Variants in OPCML observed in about 807,000 individuals in gnomAD.
The protein encoded by OPCML is opioid binding protein/cell adhesion molecule like, also known as opioid-binding protein/cell adhesion molecule.
In OPCML, 13 loss-of-function variants were observed where a neutral mutation model predicts 37.8. The ratio of observed to expected loss-of-function variants is 0.34; its 90% CI spans 0.22 to 0.55. OPCML has a LOEUF of 0.55. Among genes scored for constraint, OPCML ranks in the 20% least tolerant of loss-of-function variants. OPCML has a pLI of 0.91. For synonymous variants in OPCML, 176 were observed against 168.8 expected (o/e 1.04, Z -0.33); for missense variants, 341 against 435.6 (o/e 0.78, Z 1.93).
chr11:132,494,488 A>G lies in OPCML; in HGVS notation c.505+34573T>C, dbSNP rs190658452. Among the ~76,000 whole-genome samples the G allele has an allele frequency of 9.3e-3, 1,410 of 152,128 alleles. 10 individuals carry two copies. The highest frequency in any genetic ancestry group is 0.016 in the Non-Finnish European group (1,076 of 67,986). On this transcript the variant is annotated intron_variant, in intron 4 of 7. Coordinates refer to ENST00000524381, the MANE Select transcript of OPCML (RefSeq NM_001012393.5). ...CAGGGATTTCTTCCCTCCCTATCTCATGTTCTTTTCCTTCCTGCCTCTTTC... is the reference window on the plus strand; with the variant it reads ...CAGGGATTTCTTCCCTCCCTATCTCGTGTTCTTTTCCTTCCTGCCTCTTTC...
At chr11:132,441,153 A>G (rs2096031295) in intron 4 of OPCML, among the ~76,000 whole-genome samples, 2 of 144,104 alleles carry the variant, frequency 1.4e-5, no homozygotes, top group Admixed American at 7.0e-5. Context: ...TGTGTTCACC[A>G]AGGACTTTTT....
At chr11:132,422,654 T>C (rs2136658738) in intron 7 of OPCML, among the ~76,000 whole-genome samples, 1 of 152,388 alleles carries the variant, frequency 6.6e-6, no homozygotes, top group Middle Eastern at 3.4e-3. Flanking sequence ...CCCTATGAGC[T>C]ATGTGCTACT....
intron 2 of OPCML, among the ~76,000 whole-genome samples, chr11:132,877,013 G>A (rs576939944): frequency 6.6e-6 from 1 of 152,354 alleles, no homozygotes; most frequent in South Asian, 2.1e-4. Context: ...GGGAAAGAAA[G>A]CCTGGGCTTT....
At chr11:133,272,800 A>C (rs1323508514) in intron 1 of OPCML, among the ~76,000 whole-genome samples, 1 of 152,216 alleles carries the variant, frequency 6.6e-6, no homozygotes, top group African/African-American at 2.4e-5. Context: ...TCTCTTTGAG[A>C]AGAAAGCCTC....
At chr11:132,505,549 C>T (rs987517749) in intron 4 of OPCML, among the ~76,000 whole-genome samples, 7 of 151,978 alleles carry the variant, frequency 4.6e-5, no homozygotes, top group African/African-American at 1.7e-4. Context: ...TAGACCAGAG[C>T]CGAAGAAGAA....
intron 3 of OPCML, among the ~76,000 whole-genome samples, chr11:132,585,409 A>C (rs1322726239): frequency 6.6e-6 from 1 of 152,032 alleles, no homozygotes; most frequent in Non-Finnish European, 1.5e-5. Context: ...AAAAGAAAAA[A>C]AAAACTGGTC....
In OPCML at chr11:132,930,224, C is replaced by G. The variant is rs11223285; in HGVS notation, c.146+12702G>C. On this transcript the variant is annotated intron_variant, in intron 2 of 7. Transcript: ENST00000524381. Reference sequence around the variant, plus strand: ...ACAAAAAATACAAAAATTAGCCTGACGTGGTGGCCTGCAACTGTGGTCCCA... The same window carrying G: ...ACAAAAAATACAAAAATTAGCCTGAGGTGGTGGCCTGCAACTGTGGTCCCA... Among the ~76,000 whole-genome samples, 14 of 151,712 alleles carry G rather than the reference C, an allele frequency of 9.2e-5. 1 individual carries two copies. The highest frequency in any genetic ancestry group is 3.2e-4 in the African/African-American group (13 of 41,262).
intron 4 of OPCML, among the ~76,000 whole-genome samples, chr11:132,491,263 A>G (rs1358769739): frequency 6.6e-6 from 1 of 152,132 alleles, no homozygotes; most frequent in Admixed American, 6.5e-5. Context: ...CCTGCTCCAA[A>G]AGCACTTACA....
rs1490175993 is a variant in OPCML at position 132,657,213 on chromosome 11, C to A, written c.253G>T (p.Val85Phe). 1.2e-6 allele frequency: 2 copies of A among 1,614,224 alleles called. No individual in the cohort carries two copies. The highest frequency in any genetic ancestry group is 1.3e-5 in the African/African-American group (1 of 75,054). ...ATGCTGTACTGGGTTGGTGTATTGACCAGGATGATCACACGAGGGTCTATG... is the reference window on the plus strand; with the variant it reads ...ATGCTGTACTGGGTTGGTGTATTGAACAGGATGATCACACGAGGGTCTATG... ...WSIDPRVIIL[V>F]NTPTQYSIMI... is the part of the protein sequence containing the mutation. Residue 85 changes from valine (V) to phenylalanine (F), a missense_variant, in exon 3 of 8, where the codon GTC (valine) becomes TTC (phenylalanine). Transcript: ENST00000524381.
chr11:132,556,024 G>A lies in OPCML; in HGVS notation c.380-26838C>T, dbSNP rs576855886. On this transcript the variant is annotated intron_variant, in intron 3 of 7. Transcript: ENST00000524381. ...TGTGATCATGGCCCACTGCAGCCTCGACCTCCTGGGCTCAAGTAATCCTCC... is the reference window on the plus strand; with the variant it reads ...TGTGATCATGGCCCACTGCAGCCTCAACCTCCTGGGCTCAAGTAATCCTCC... 2.6e-5 allele frequency among the ~76,000 whole-genome samples: 4 copies of A among 152,000 alleles called. No individual in the cohort carries two copies. In the South Asian group the frequency reaches 8.3e-4, roughly 32 times the overall value.
At chr11:132,815,207 T>C (rs1006241058) in intron 2 of OPCML, among the ~76,000 whole-genome samples, 18 of 152,212 alleles carry the variant, frequency 1.2e-4, no homozygotes, top group African/African-American at 4.3e-4. Flanking sequence ...CTAAAACGTC[T>C]ATCGGATTAT....
chr11:132,557,864 T>C (rs527997293), intron 3 of OPCML, among the ~76,000 whole-genome samples: 1 of 152,278 alleles, frequency 6.6e-6, no homozygotes, highest in East Asian at 1.9e-4. Context: ...AGATGCAACA[T>C]TGTGGTCTTT....
chr11:133,423,107 C>T (rs1945926129), intron 1 of OPCML: 1 of 985,306 alleles, frequency 1.0e-6, no homozygotes, highest in Non-Finnish European at 1.2e-6. Flanking sequence ...GAGAAATGGG[C>T]TTCTATTTGC....
intron 2 of OPCML, among the ~76,000 whole-genome samples, chr11:132,714,615 C>G (rs1272450829): frequency 6.6e-6 from 1 of 152,092 alleles, no homozygotes; most frequent in African/African-American, 2.4e-5. Flanking sequence ...TGACAGAAAA[C>G]CTATAGTTGG....
At chr11:133,454,066 TC>T (rs1377250449) in intron 1 of OPCML, among the ~76,000 whole-genome samples, 12 of 152,184 alleles carry the variant, frequency 7.9e-5, no homozygotes, top group Non-Finnish European at 1.3e-4. Context: ...GAAACAGGAA[TC>T]CTGATAGTCG....
rs190710764 is a variant in OPCML, at chr11:133,177,689, G to A, written c.62-234679C>T. 1.2e-4 allele frequency among the ~76,000 whole-genome samples: 18 copies of A among 152,242 alleles called. No homozygotes were observed. Among genetic ancestry groups the A allele is most frequent in the African/African-American group, 3.9e-4 (16 of 41,544 alleles). On this transcript the variant is annotated intron_variant, in intron 1 of 7. Coordinates refer to ENST00000524381, the MANE Select transcript of OPCML (RefSeq NM_001012393.5). This position sits in a 1 kb window ranked among gnomAD's most constrained non-coding sequence, Gnocchi z 5.0. The stretch of plus-strand genomic sequence containing the variant: ...CTTCTCAGAAGCATCCAGTGAAATC[G>A]CAGTAACAGTGGGTGGTACACTAAG...
At chr11:133,486,231 A>G (rs906397938) in intron 1 of OPCML, among the ~76,000 whole-genome samples, 5 of 152,184 alleles carry the variant, frequency 3.3e-5, no homozygotes, top group Middle Eastern at 3.2e-3. Context: ...ATTTTATAGA[A>G]CATTACCACA....
intron 4 of OPCML, among the ~76,000 whole-genome samples, chr11:132,512,938 A>T (rs1478312305): frequency 6.6e-6 from 1 of 152,028 alleles, no homozygotes; most frequent in East Asian, 1.9e-4. Flanking sequence ...TAAATTTGTC[A>T]AAACTCACCA....
chr11:132,527,519 T>C (rs2096311662), intron 4 of OPCML, among the ~76,000 whole-genome samples: 1 of 152,190 alleles, frequency 6.6e-6, no homozygotes, highest in South Asian at 2.1e-4. Context: ...GCCATTCATA[T>C]ACTGTATCTT....
Sources: allele counts gnomAD v4.1 joint callset (sites outside exome capture counted in the v4.1 genomes callset), GRCh38; gene constraint gnomAD v4.1.1; non-coding constraint Gnocchi (gnomAD v3.1); transcripts MANE v1.5; gene names NCBI Gene and HGNC (gene_info 2026-07-23, HGNC 2026-07-21).